The following SYT1 variants were observed in gnomAD, a reference collection of about 807,000 sequenced individuals.
SYT1 encodes synaptotagmin 1.
A neutral mutation model predicts 44.8 loss-of-function variants in SYT1; 8 were observed. That is an observed-to-expected ratio of 0.18 (90% CI 0.10 to 0.32). SYT1 has a LOEUF of 0.32. Ranked by LOEUF, SYT1 falls within the 10% of genes least tolerant of loss-of-function variation. The pLI is 1.00. For synonymous variants in SYT1, 154 were observed against 188.8 expected (o/e 0.82, Z 1.51); for missense variants, 286 against 509.3 (o/e 0.56, Z 4.22).
chr12:79,143,335 T>C (rs1377006723), intron 3 of SYT1, among the ~76,000 whole-genome samples: 1 of 152,240 alleles, frequency 6.6e-6, no homozygotes, highest in East Asian at 1.9e-4. Context: ...TATTAGGCCC[T>C]CTTTTAGGTA....
At chr12:79,109,886 A>C (rs1878919802) in intron 3 of SYT1, among the ~76,000 whole-genome samples, 1 of 152,188 alleles carries the variant, frequency 6.6e-6, no homozygotes, top group Non-Finnish European at 1.5e-5. Context: ...CTTTAGGTGC[A>C]GCAAATCATC....
intron 4 of SYT1, among the ~76,000 whole-genome samples, chr12:79,225,900 C>T (rs1038152207): frequency 6.6e-5 from 10 of 152,280 alleles, no homozygotes; most frequent in African/African-American, 2.4e-4. Context: ...CCCATCCTTG[C>T]TTTATTTCCC....
At chr12:78,978,229 A>G (rs1036758880) in intron 2 of SYT1, among the ~76,000 whole-genome samples, 45 of 152,160 alleles carry the variant, frequency 3.0e-4, no homozygotes, top group Non-Finnish European at 5.9e-4. Context: ...TACTCTATCA[A>G]ATCCAAAGTT....
chr12:79,171,598 T>G (rs1056722058), intron 3 of SYT1, among the ~76,000 whole-genome samples: 4 of 151,998 alleles, frequency 2.6e-5, no homozygotes, highest in Non-Finnish European at 2.9e-5. Context: ...GTTTTATATA[T>G]TCCTTCCATA....
At chr12:78,958,032 A>T (rs1879299049) in intron 1 of SYT1, among the ~76,000 whole-genome samples, 3 of 152,130 alleles carry the variant, frequency 2.0e-5, no homozygotes, top group African/African-American at 4.8e-5. Flanking sequence ...AGCCTGTTAT[A>T]ATTCTGTTCA....
chr12:79,256,983 T>C (rs921667520), intron 4 of SYT1, among the ~76,000 whole-genome samples: 8 of 152,208 alleles, frequency 5.3e-5, no homozygotes, highest in Admixed American at 3.3e-4. Flanking sequence ...ATGTTACTAA[T>C]AAAAATAGCT....
At chr12:79,410,524 A>C (rs1001969620) in intron 9 of SYT1, among the ~76,000 whole-genome samples, 3 of 151,714 alleles carry the variant, frequency 2.0e-5, no homozygotes, top group Non-Finnish European at 4.4e-5. Context: ...AAAAAAAAAA[A>C]AAAACAGAAC....
At chr12:79,409,833 GGAAA>G (rs1868348395) in intron 9 of SYT1, among the ~76,000 whole-genome samples, 1 of 151,844 alleles carries the variant, frequency 6.6e-6, no homozygotes, top group South Asian at 2.1e-4. Flanking sequence ...AATGCAGCAA[GGAAA>G]GAATCCTACA....
intron 1 of SYT1, among the ~76,000 whole-genome samples, chr12:78,876,891 T>TACATATATAATATAC (rs1214655186): frequency 0.026 from 402 of 15,698 alleles, 16 homozygotes; most frequent in African/African-American, 0.052. Context: ...TTATATATAA[T>TACATATATAATATAC]ATATATTATA....
At chr12:78,938,010 A>G (rs1878154820) in intron 1 of SYT1, among the ~76,000 whole-genome samples, 2 of 152,172 alleles carry the variant, frequency 1.3e-5, no homozygotes. Context: ...AGGCATGTGA[A>G]GGTGAGACAG....
At chr12:79,327,852 C>G (rs1300830330) in intron 8 of SYT1, among the ~76,000 whole-genome samples, 1 of 152,056 alleles carries the variant, frequency 6.6e-6, no homozygotes, top group African/African-American at 2.4e-5. Flanking sequence ...GAAGAGGAAG[C>G]AGGGAAAGCA....
chr12:79,123,545 GC>G (rs1245062830), intron 3 of SYT1, among the ~76,000 whole-genome samples: 3 of 152,110 alleles, frequency 2.0e-5, no homozygotes, highest in African/African-American at 7.2e-5. Context: ...TAACCACAGC[GC>G]TGCATTCTTG....
chr12:78,937,941 T>C (rs1278705337), intron 1 of SYT1, among the ~76,000 whole-genome samples: 1 of 152,136 alleles, frequency 6.6e-6, no homozygotes. Flanking sequence ...GACGAGCAGA[T>C]GTGACTGGTA....
rs916999681 is a variant in SYT1, at chr12:79,451,585, T to A, written c.*2461T>A. On this transcript the variant is annotated 3_prime_UTR_variant, in exon 11 of 11. Transcript: ENST00000261205. ...ACTGCCAGACATGGGATTGTCACCATAGAATTAGTTGGTACTATGCCATCT... is the reference window on the plus strand; with the variant it reads ...ACTGCCAGACATGGGATTGTCACCAAAGAATTAGTTGGTACTATGCCATCT... 11 of 152,228 alleles carry A rather than the reference T, an allele frequency of 7.2e-5. No individual in the cohort carries two copies. Among genetic ancestry groups the A allele is most frequent in the Non-Finnish European group, 1.6e-4 (11 of 68,046 alleles). 9.4% of individuals were successfully genotyped at this position (152,228 alleles called of 1,614,324 possible).
intron 1 of SYT1, among the ~76,000 whole-genome samples, chr12:78,869,861 T>C (rs193287943): frequency 6.6e-6 from 1 of 152,074 alleles, no homozygotes; most frequent in African/African-American, 2.4e-5. Flanking sequence ...TCTTTTTTGG[T>C]TACTGCTATT....
intron 3 of SYT1, among the ~76,000 whole-genome samples, chr12:79,060,571 C>G (rs1875307994): frequency 6.6e-6 from 1 of 152,010 alleles, no homozygotes; most frequent in Admixed American, 6.6e-5. Flanking sequence ...TGGAATTAAA[C>G]AGTATTTTTC....
At chr12:79,165,199 T>C (rs1303481307) in intron 3 of SYT1, among the ~76,000 whole-genome samples, 2 of 152,000 alleles carry the variant, frequency 1.3e-5, no homozygotes, top group Non-Finnish European at 2.9e-5. Flanking sequence ...TGCATTTATC[T>C]TTAGAAACAA....
intron 4 of SYT1, among the ~76,000 whole-genome samples, chr12:79,240,377 T>C (rs760726271): frequency 9.9e-5 from 15 of 152,236 alleles, no homozygotes; most frequent in Non-Finnish European, 1.9e-4. Flanking sequence ...CATTCCATTA[T>C]AGCCACTAAA....
intron 8 of SYT1, among the ~76,000 whole-genome samples, chr12:79,352,552 T>C (rs915652726): frequency 2.2e-4 from 34 of 152,128 alleles, no homozygotes; most frequent in African/African-American, 8.2e-4. Flanking sequence ...CAACAAACTC[T>C]CTCTCTTGCA....
Sources: gnomAD v4.1 joint callset for allele counts (sites outside exome capture counted in the v4.1 genomes callset) on GRCh38, gnomAD v4.1.1 for gene constraint, MANE v1.5 for transcripts, NCBI Gene and HGNC (gene_info 2026-07-23, HGNC 2026-07-21) for gene names.